The following USP12 variants were observed in gnomAD, a reference collection of about 807,000 sequenced individuals.
USP12 encodes the protein ubiquitin carboxyl-terminal hydrolase 12.
Under a neutral mutation model 45.5 loss-of-function variants are expected in USP12, and 19 were observed. The observed-to-expected ratio is 0.42, with a 90% CI of 0.29 to 0.61. The LOEUF (loss-of-function observed/expected upper bound fraction) is 0.61. USP12 is among the 20% of genes least tolerant of loss of function. The probability of loss-of-function intolerance (pLI) is 0.22; values close to 1 mark genes in which losing one functional copy is unlikely to be tolerated. For synonymous variants in USP12, 149 were observed against 148.8 expected, an observed-to-expected ratio of 1.00 and a Z score of -0.01; for missense variants, 242 against 447.7, an observed-to-expected ratio of 0.54 and a Z score of 4.15.
intron 3 of USP12, among the ~76,000 whole-genome samples, chr13:27,100,539 G>A (rs1346211082): frequency 6.6e-6 from 1 of 152,090 alleles, no homozygotes; most frequent in Admixed American, 6.6e-5. Flanking sequence ...GCCTGATTCA[G>A]TTTCTCTCTC....
intron 1 of USP12, among the ~76,000 whole-genome samples, chr13:27,171,337 G>C (rs1434567418): frequency 6.7e-6 from 1 of 148,598 alleles, no homozygotes; most frequent in Non-Finnish European, 1.5e-5. Context: ...TGGCACGGTC[G>C]CCCACTCACC....
intron 6 of USP12, among the ~76,000 whole-genome samples, chr13:27,076,005 G>A (rs1030987839): frequency 6.9e-6 from 1 of 145,120 alleles, no homozygotes; most frequent in Non-Finnish European, 1.5e-5. Context: ...ACTCCAGCCT[G>A]GGTGACAGAG....
intron 2 of USP12, 130 bp downstream of exon 2, chr13:27,116,386 A>T: frequency 1.3e-6 from 1 of 741,836 alleles, no homozygotes; most frequent in Non-Finnish European, 2.0e-6. Flanking sequence ...AAAATTCCCA[A>T]TCAAGTCTCT....
intron 6 of USP12, among the ~76,000 whole-genome samples, chr13:27,088,809 T>G (rs575987743): frequency 6.6e-6 from 1 of 152,298 alleles, no homozygotes; most frequent in South Asian, 2.1e-4. Context: ...CTGTAATAAA[T>G]CTTAGCTGTG....
intron 1 of USP12, among the ~76,000 whole-genome samples, chr13:27,122,744 T>A (rs1876054660): frequency 6.6e-6 from 1 of 152,198 alleles, no homozygotes; most frequent in Non-Finnish European, 1.5e-5. Flanking sequence ...ATAGTACTTT[T>A]TAGCCAATAT....
chr13:27,069,167 C>T lies in USP12; in HGVS notation c.*116G>A. 3.7e-6 allele frequency: 3 copies of T among 803,248 alleles called. No homozygotes were observed. In the South Asian group the frequency reaches 4.3e-5, roughly 12 times the overall value. 49.8% of individuals were successfully genotyped at this position (803,248 alleles called of 1,614,324 possible). On this transcript the variant is annotated 3_prime_UTR_variant, in exon 9 of 9. Transcript: ENST00000282344. Reference sequence around the variant, plus strand: ...TTTGCTTTATCGTGTGCAAAGTGTGCTACTGCCCCCTGAGCTTCCTGCATT... The same window carrying T: ...TTTGCTTTATCGTGTGCAAAGTGTGTTACTGCCCCCTGAGCTTCCTGCATT...
At chr13:27,117,671 A>G (rs1875807204) in intron 1 of USP12, 1 of 481,086 alleles carries the variant, frequency 2.1e-6, no homozygotes, top group Non-Finnish European at 4.2e-6. Flanking sequence ...TATATTAAAT[A>G]TACTATATAC....
At chr13:27,159,517 C>A (rs1878006887) in intron 1 of USP12, among the ~76,000 whole-genome samples, 1 of 152,238 alleles carries the variant, frequency 6.6e-6, no homozygotes, top group Non-Finnish European at 1.5e-5. Context: ...CCTTCTCTAT[C>A]AATATCCAGT....
chr13:27,097,423 C>T (rs796869615), intron 3 of USP12, among the ~76,000 whole-genome samples: 10 of 152,314 alleles, frequency 6.6e-5, no homozygotes, highest in African/African-American at 2.4e-4. Context: ...CGAGATTGCG[C>T]CATTGCACTC....
At chr13:27,130,476 G>A (rs1334182717) in intron 1 of USP12, among the ~76,000 whole-genome samples, 1 of 150,222 alleles carries the variant, frequency 6.7e-6, no homozygotes, top group African/African-American at 2.5e-5. Flanking sequence ...TGAGGAGGTG[G>A]AGAATCTGAT....
intron 1 of USP12, among the ~76,000 whole-genome samples, chr13:27,140,933 T>C (rs1877022977): frequency 1.3e-5 from 2 of 151,424 alleles, no homozygotes. Flanking sequence ...TTGTAGCTAT[T>C]CCAATTAAAA....
Position 27,069,429 on chromosome 13 carries a change from C to G in USP12, c.1012-45G>C, listed in dbSNP as rs762539602. 3.6e-6 allele frequency: 5 copies of G among 1,385,080 alleles called. No individual in the cohort carries two copies. The South Asian group carries it at 4.7e-5, about 13-fold the overall frequency. The allele number at this position is 1,385,080 out of a possible 1,614,324, so 85.8% of individuals were successfully genotyped here. A position where few individuals can be genotyped will look rare whatever the true frequency, so the allele number is the denominator to read the frequency against. ...CATTAGTACATAAATGAGCTCTGTA[C>G]AGCCAGAATGGCTTAAATTTAAAAG... On this transcript the variant is annotated intron_variant, in intron 8 of 8. Coordinates refer to ENST00000282344, the MANE Select transcript of USP12 (RefSeq NM_182488.4).
Position 27,162,556 on chromosome 13 carries a change from A to T in USP12, c.48+9036T>A, listed in dbSNP as rs528801855. On this transcript the variant is annotated intron_variant, in intron 1 of 8. Coordinates refer to ENST00000282344, the MANE Select transcript of USP12 (RefSeq NM_182488.4). ...TCTTCAAGATGACAGATAGAGAAAGACTAATAACAACAACAAAATAAAATT... is the reference window on the plus strand; with the variant it reads ...TCTTCAAGATGACAGATAGAGAAAGTCTAATAACAACAACAAAATAAAATT... 3.9e-5 allele frequency among the ~76,000 whole-genome samples: 6 copies of T among 152,356 alleles called. No homozygotes were observed. The South Asian group carries it at 1.2e-3, about 32-fold the overall frequency.
chr13:27,125,076 G>C (rs1215286852), intron 1 of USP12, among the ~76,000 whole-genome samples: 1 of 152,042 alleles, frequency 6.6e-6, no homozygotes, highest in Non-Finnish European at 1.5e-5. Context: ...TCTTTGCAGT[G>C]GACCACTACC....
chr13:27,134,745 T>G (rs550542663), intron 1 of USP12, among the ~76,000 whole-genome samples: 2 of 152,138 alleles, frequency 1.3e-5, no homozygotes, highest in African/African-American at 4.8e-5. Flanking sequence ...ATAAGCCATC[T>G]TCAATCAGTT....
At position 27,161,833 on chromosome 13, in the gene USP12, G is replaced by T. The variant is rs192920767; in HGVS notation, c.48+9759C>A. On this transcript the variant is annotated intron_variant, in intron 1 of 8. Coordinates refer to ENST00000282344, the MANE Select transcript of USP12 (RefSeq NM_182488.4). ...GGGGGCAGAGGTTTCAATGAGGCGA[G>T]ACTGCACCACTGCACTCCAGCCTGG... 2.7e-4 allele frequency among the ~76,000 whole-genome samples: 41 copies of T among 151,436 alleles called. No homozygotes were observed. The Middle Eastern group carries it at 0.014, about 51-fold the overall frequency.
In USP12 at chr13:27,117,803, G is replaced by A. The variant is rs73497395; in HGVS notation, c.49-1207C>T. 8.2e-3 allele frequency: 4,246 copies of A among 518,196 alleles called. 158 individuals are homozygous for A. Among genetic ancestry groups the A allele is most frequent in the African/African-American group, 0.073 (3,776 of 51,706 alleles). 32.1% of individuals were successfully genotyped at this position (518,196 alleles called of 1,614,324 possible). A position where few individuals can be genotyped will look rare whatever the true frequency, so the allele number is the denominator to read the frequency against. On this transcript the variant is annotated intron_variant, in intron 1 of 8. Coordinates refer to ENST00000282344, the MANE Select transcript of USP12 (RefSeq NM_182488.4). The stretch of plus-strand genomic sequence containing the variant: ...CATAGCGTGTCACAGTTTCAAGAAC[G>A]TGATCAACTCAATTCTGTGCACCTG...
intron 1 of USP12, among the ~76,000 whole-genome samples, chr13:27,152,749 T>C (rs1877630611): frequency 6.6e-6 from 1 of 151,666 alleles, no homozygotes; most frequent in African/African-American, 2.4e-5. Context: ...GAGACCATCC[T>C]GGTTAACACG....
At chr13:27,086,870 G>A (rs904319747) in intron 6 of USP12, among the ~76,000 whole-genome samples, 9 of 152,184 alleles carry the variant, frequency 5.9e-5, no homozygotes, top group African/African-American at 2.2e-4. Flanking sequence ...CCCATCATAT[G>A]CACTAATGGA....
Sources: gnomAD v4.1 joint callset for allele counts (sites outside exome capture counted in the v4.1 genomes callset) on GRCh38, gnomAD v4.1.1 for gene constraint, MANE v1.5 for transcripts, NCBI Gene and HGNC (gene_info 2026-07-23, HGNC 2026-07-21) for gene names.